The following LINC00305 variants were observed in gnomAD, a reference collection of about 807,000 sequenced individuals.
LINC00305 encodes the protein long intergenic non-protein coding RNA 305.
Position 64,119,050 on chromosome 18 carries a change from CA to C in LINC00305, n.315-20411del, listed in dbSNP as rs937377275. Among the ~76,000 whole-genome samples, 13 of 149,374 alleles carry C rather than the reference CA, an allele frequency of 8.7e-5. 1 individual carries two copies. Among genetic ancestry groups the C allele is most frequent in the East Asian group, 5.9e-4 (3 of 5,104 alleles). ...AAAAACAGAATCACATACAAGTATA[CA>C]AAAAAAAAGAATCATATATCCTGAT... On this transcript the variant is annotated intron_variant and non_coding_transcript_variant, in intron 1 of 3. Coordinates refer to ENST00000666468, the Ensembl canonical transcript of LINC00305.
At chr18:64,085,239 C>A (rs546934653) in intron 3 of LINC00305, among the ~76,000 whole-genome samples, 1 of 152,214 alleles carries the variant, frequency 6.6e-6, no homozygotes, top group South Asian at 2.1e-4. Context: ...ATTGCATTTC[C>A]TATTCCTATT....
chr18:64,100,389 T>C (rs556586477), intron 1 of LINC00305, among the ~76,000 whole-genome samples: 2 of 152,282 alleles, frequency 1.3e-5, no homozygotes, highest in South Asian at 4.1e-4. Flanking sequence ...CAGGAGGGCT[T>C]GTGTGTTCAC....
chr18:64,126,711 G>A (rs989929295), intron 1 of LINC00305, among the ~76,000 whole-genome samples: 5 of 152,072 alleles, frequency 3.3e-5, no homozygotes, highest in Admixed American at 6.6e-5. Flanking sequence ...GGTGATCAAA[G>A]CGTGTCCAGC....
At chr18:64,142,222 G>A (rs924237045) in intron 1 of LINC00305, among the ~76,000 whole-genome samples, 9 of 151,952 alleles carry the variant, frequency 5.9e-5, no homozygotes, top group African/African-American at 2.2e-4. Context: ...AGTCTGTCTG[G>A]GTATGGAGAC....
At chr18:64,118,013 CTAA>C (rs2051345278) in intron 1 of LINC00305, among the ~76,000 whole-genome samples, 1 of 152,048 alleles carries the variant, frequency 6.6e-6, no homozygotes, top group Non-Finnish European at 1.5e-5. Context: ...TGGAGATTTT[CTAA>C]TAATAAGATA....
intron 1 of LINC00305, among the ~76,000 whole-genome samples, chr18:64,106,157 C>T (rs2051289682): frequency 6.6e-6 from 1 of 152,220 alleles, no homozygotes; most frequent in East Asian, 1.9e-4. Context: ...AGAACCTCAG[C>T]ATTTTCAGGT....
At chr18:64,098,023 G>A (rs1444377404) in intron 2 of LINC00305, 2 of 457,048 alleles carry the variant, frequency 4.4e-6, no homozygotes, top group Non-Finnish European at 8.8e-6. Context: ...AGAGTGGAGA[G>A]CAAGGTGGCA....
intron 1 of LINC00305, among the ~76,000 whole-genome samples, chr18:64,110,607 G>A (rs2051311113): frequency 1.3e-5 from 2 of 152,166 alleles, no homozygotes; most frequent in Admixed American, 1.3e-4. Context: ...TGGCACAGAG[G>A]ACTTGGGGAT....
intron 3 of LINC00305, among the ~76,000 whole-genome samples, chr18:64,088,667 C>T (rs2051213457): frequency 6.6e-6 from 1 of 152,196 alleles, no homozygotes; most frequent in Admixed American, 6.5e-5. Flanking sequence ...TTGAGGACAA[C>T]TGAACTATGT....
intron 1 of LINC00305, among the ~76,000 whole-genome samples, chr18:64,144,140 T>C (rs1411299538): frequency 6.6e-6 from 1 of 152,208 alleles, no homozygotes; most frequent in Non-Finnish European, 1.5e-5. Context: ...CTTCTATTAA[T>C]ATCTACCTTG....
exon 3 of LINC00305, chr18:64,097,887 C>T (rs866208361): frequency 3.5e-5 from 16 of 458,004 alleles, no homozygotes; most frequent in Admixed American, 9.4e-5. Flanking sequence ...TGTCTTCTGA[C>T]GCTTTGCACA....
chr18:64,118,186 A>G (rs538927495), intron 1 of LINC00305, among the ~76,000 whole-genome samples: 1 of 152,256 alleles, frequency 6.6e-6, no homozygotes, highest in East Asian at 1.9e-4. Context: ...CTTGGCTATC[A>G]CTTTGTTTAA....
chr18:64,130,946 C>G (rs906754384), intron 1 of LINC00305, among the ~76,000 whole-genome samples: 1 of 152,114 alleles, frequency 6.6e-6, no homozygotes, highest in African/African-American at 2.4e-5. Context: ...GGGCTTTAGT[C>G]TGTAGGTAAA....
At chr18:64,143,569 C>T (rs62100361) in intron 1 of LINC00305, among the ~76,000 whole-genome samples, 27 of 2,622 alleles carry the variant, frequency 0.01, no homozygotes, top group Non-Finnish European at 0.033. Flanking sequence ...TACATATATA[C>T]ACATATGTAT....
At chr18:64,143,253 C>T (rs191584059) in intron 1 of LINC00305, among the ~76,000 whole-genome samples, 38 of 152,152 alleles carry the variant, frequency 2.5e-4, no homozygotes, top group Non-Finnish European at 7.4e-5. Flanking sequence ...CATTTGCTTG[C>T]CAAATCTGGA....
chr18:64,109,725 A>G (rs2051307195), intron 1 of LINC00305, among the ~76,000 whole-genome samples: 1 of 152,064 alleles, frequency 6.6e-6, no homozygotes, highest in South Asian at 2.1e-4. Context: ...TTCCTGTCAC[A>G]TGGAAGACTG....
At chr18:64,118,737 A>G (rs756348989) in intron 1 of LINC00305, among the ~76,000 whole-genome samples, 7 of 151,982 alleles carry the variant, frequency 4.6e-5, no homozygotes, top group Non-Finnish European at 8.8e-5. Context: ...TATACTTATT[A>G]TCTATGCATC....
chr18:64,125,153 C>T (rs2051379198), intron 1 of LINC00305, among the ~76,000 whole-genome samples: 1 of 152,110 alleles, frequency 6.6e-6, no homozygotes, highest in South Asian at 2.1e-4. Context: ...TGCCTCCACA[C>T]TTAAACTATT....
chr18:64,136,498 AACTC>A (rs2051434744), intron 1 of LINC00305, among the ~76,000 whole-genome samples: 2 of 152,096 alleles, frequency 1.3e-5, no homozygotes, highest in African/African-American at 4.8e-5. Flanking sequence ...ATCTCATGAG[AACTC>A]ACTCACTATC....
Sources: allele counts gnomAD v4.1 joint callset (sites outside exome capture counted in the v4.1 genomes callset), GRCh38; gene constraint gnomAD v4.1.1; transcripts MANE v1.5; gene names NCBI Gene and HGNC (gene_info 2026-07-23, HGNC 2026-07-21).